PCDH12: variants seen among roughly 807,000 people sequenced by gnomAD.
PCDH12 encodes the protein protocadherin 12.
PCDH12 carries 45 observed loss-of-function variants against 70.9 expected under a neutral mutation model. The ratio of observed to expected loss-of-function variants is 0.63; its 90% CI spans 0.50 to 0.81. The LOEUF is 0.81. PCDH12 is among the 40% of genes least tolerant of loss of function. PCDH12 has a pLI of 0.00. For synonymous variants in PCDH12, 567 were observed against 626.0 expected, an observed-to-expected ratio of 0.91 and a Z score of 1.41; for missense variants, 1,370 against 1,491.7, an observed-to-expected ratio of 0.92 and a Z score of 1.34.
rs1753215723 is a variant in PCDH12, at chr5:141,957,938, T to C, written c.-87A>G. On this transcript the variant is annotated 5_prime_UTR_variant, in exon 1 of 4. Coordinates refer to ENST00000231484, the MANE Select transcript of PCDH12 (RefSeq NM_016580.4). The surrounding 1 kb of genome is among the most constrained non-coding windows in gnomAD (Gnocchi z 4.3). The stretch of plus-strand genomic sequence containing the variant: ...CTCCAGTGTTTCCTGGATGGCTTGA[T>C]CAGCCCCGTGCTCCTTCCCCCAGAG... The C allele has an allele frequency of 4.1e-6, 6 of 1,472,558 alleles. No individual in the cohort carries two copies. The highest frequency in any genetic ancestry group is 5.5e-6 in the Non-Finnish European group (6 of 1,096,622). The allele number at this position is 1,472,558 out of a possible 1,614,324, so 91.2% of individuals were successfully genotyped here.
Position 141,945,292 on chromosome 5 carries a change from G to C in PCDH12, c.*89C>G. ...CCCTAAAGTTCTCAGGCCGCCGCTA[G>C]CTAGTGAGTTACAAGATTTTAGAAA... On this transcript the variant is annotated 3_prime_UTR_variant, in exon 4 of 4. Coordinates refer to ENST00000231484, the MANE Select transcript of PCDH12 (RefSeq NM_016580.4). 32 of 1,467,970 alleles carry C rather than the reference G, an allele frequency of 2.2e-5. No individual in the cohort carries two copies. The highest frequency in any genetic ancestry group is 2.9e-5 in the Non-Finnish European group (32 of 1,092,468). The allele number at this position is 1,467,970 out of a possible 1,614,324, so 90.9% of individuals were successfully genotyped here. A position where few individuals can be genotyped will look rare whatever the true frequency, so the allele number is the denominator to read the frequency against.
chr5:141,947,627 G>A (rs1039712537), intron 3 of PCDH12, among the ~76,000 whole-genome samples: 3 of 152,254 alleles, frequency 2.0e-5, no homozygotes, highest in Non-Finnish European at 2.9e-5. Context: ...CTCTTAGGAA[G>A]TGGTGAGACA....
rs1391527887 is a variant in PCDH12, at chr5:141,956,868, A to G, written c.984T>C (p.Gly328=). The change falls in exon 1 of 4, where the codon GGT becomes GGC. Residue 328 remains glycine, a synonymous_variant. Coordinates refer to ENST00000231484, the MANE Select transcript of PCDH12 (RefSeq NM_016580.4). ...TGCAATGGGCTGGGATAGGATTGGG[A>G]CCCAGGTCCCTTGCCTGAACATCCA... ...YEVDVQARDL[G]PNPIPAHCKV... is the part of the protein sequence containing the mutation. 6.2e-7 allele frequency: 1 copy of G among 1,614,062 alleles called. No individual in the cohort carries two copies. Among genetic ancestry groups the G allele is most frequent in the Non-Finnish European group, 8.5e-7 (1 of 1,180,042 alleles).
intron 1 of PCDH12, among the ~76,000 whole-genome samples, chr5:141,951,932 T>C (rs561788371): frequency 1.5e-4 from 23 of 152,370 alleles, no homozygotes; most frequent in African/African-American, 5.0e-4. Flanking sequence ...TTGTTGTTAC[T>C]TTGATGAAGA....
Position 141,955,925 on chromosome 5 carries a change from C to T in PCDH12, c.1927G>A (p.Glu643Lys). The change falls in exon 1 of 4, where the codon GAA becomes AAA. Residue 643 changes from glutamate to lysine, a missense_variant. Coordinates refer to ENST00000231484, the MANE Select transcript of PCDH12 (RefSeq NM_016580.4). The surrounding 1 kb of genome is among the most constrained non-coding windows in gnomAD (Gnocchi z 5.5). ...EPLYSIRSGN[E>K]AHLFILNPHT... ...GGGTTGAGGATGAAGAGGTGGGCTT[C>T]ATTTCCACTGCGGATGCTGTAGAGG... 6.2e-7 allele frequency: 1 copy of T among 1,614,200 alleles called. No individual in the cohort carries two copies. The highest frequency in any genetic ancestry group is 8.5e-7 in the Non-Finnish European group (1 of 1,180,030).
intron 1 of PCDH12, 53 bp downstream of exon 1, chr5:141,954,919 G>T: frequency 6.4e-7 from 1 of 1,553,080 alleles, no homozygotes; most frequent in Non-Finnish European, 8.7e-7. Flanking sequence ...GTCTGATTCT[G>T]TTTCTGGTGG....
In PCDH12 at chr5:141,949,422, G is replaced by T; in HGVS notation, c.3130+10C>A. ...GAAGCAGGGTCAAGGTAACTCCAGG[G>T]GGTCCCTACCTGTGCTGGGGTCCAG... On this transcript the variant is annotated intron_variant, in intron 3 of 3. Transcript: ENST00000231484. 6.2e-7 allele frequency: 1 copy of T among 1,609,120 alleles called. No individual in the cohort carries two copies.
rs868246634 is a variant in PCDH12 at position 141,957,770 on chromosome 5, T to A, written c.82A>T (p.Thr28Ser). 2.5e-6 allele frequency: 4 copies of A among 1,610,640 alleles called. No individual in the cohort carries two copies. In the Middle Eastern group the frequency reaches 6.6e-4, roughly 266 times the overall value. The change falls in exon 1 of 4, where the codon ACC becomes TCC. Residue 28 changes from threonine to serine, a missense_variant. Transcript: ENST00000231484. The surrounding 1 kb of genome is among the most constrained non-coding windows in gnomAD (Gnocchi z 4.3). ...ACTTGGTATTTCACCGTGAGAGTGG[T>A]CACCTCCTGACAATCCCCTAAAAGA... Reference protein sequence around the residue: ...LFLLGDCQEVTTLTVKYQVSE... With the variant: ...LFLLGDCQEVSTLTVKYQVSE...
In PCDH12 at chr5:141,945,125, A is replaced by G. The variant is rs539659051; in HGVS notation, c.*256T>C. 3.5e-4 allele frequency: 185 copies of G among 524,842 alleles called. 1 individual carries two copies. Among genetic ancestry groups the G allele is most frequent in the African/African-American group, 3.1e-3 (164 of 52,230 alleles). The allele number at this position is 524,842 out of a possible 1,614,324, so 32.5% of individuals were successfully genotyped here. The stretch of plus-strand genomic sequence containing the variant: ...AGGACTGACCCTTTGTGCTCCACAT[A>G]TGTTTTGCCAGGAAACACTTATCTC... On this transcript the variant is annotated 3_prime_UTR_variant, in exon 4 of 4. Transcript: ENST00000231484.
In PCDH12 at chr5:141,955,733, G is replaced by C; in HGVS notation, c.2119C>G (p.Arg707Gly). The stretch of plus-strand genomic sequence containing the variant: ...GACATGCTCAAGGCCCCAGGCTTGC[G>C]GGCTGAGTCCCTCAGGTGGTCCACA... ...TSVDHLRDSA[R>G]KPGALSMSML... The change falls in exon 1 of 4, where the codon CGC becomes GGC. Residue 707 changes from arginine to glycine, a missense_variant. Physicochemically the swap from Arg to Gly is moderately radical, Grantham distance 125 (BLOSUM62 -2). Coordinates refer to ENST00000231484, the MANE Select transcript of PCDH12 (RefSeq NM_016580.4). The surrounding 1 kb of genome is among the most constrained non-coding windows in gnomAD (Gnocchi z 5.5). 2.5e-6 allele frequency: 4 copies of C among 1,614,088 alleles called. No homozygotes were observed. The highest frequency in any genetic ancestry group is 3.4e-6 in the Non-Finnish European group (4 of 1,179,984).
chr5:141,955,602 G>GTAGGC lies in PCDH12; in HGVS notation c.2245_2249dup (p.Tyr750Ter). ...AGGTGGACTCGGCCTCCCGACAGTT[G>GTAGGC]TAGGCCCTGTTGTCCTTCTTTTCTG... On this transcript the variant is annotated stop_gained and frameshift_variant, in exon 1 of 4. Coordinates refer to ENST00000231484, the MANE Select transcript of PCDH12 (RefSeq NM_016580.4). LOFTEE classifies it high-confidence loss of function. The surrounding 1 kb of genome is among the most constrained non-coding windows in gnomAD (Gnocchi z 5.5). The GTAGGC allele has an allele frequency of 6.2e-7, 1 of 1,614,182 alleles. No individual in the cohort carries two copies. The highest frequency in any genetic ancestry group is 8.5e-7 in the Non-Finnish European group (1 of 1,180,038).
intron 2 of PCDH12, 139 bp from the exon 3 acceptor site, chr5:141,949,722 G>T: frequency 1.1e-6 from 1 of 884,802 alleles, no homozygotes; most frequent in Non-Finnish European, 1.7e-6. Context: ...GACCAACCTG[G>T]ATCATGTGAT....
In PCDH12 at chr5:141,957,398, T is replaced by C. The variant is rs547258625; in HGVS notation, c.454A>G (p.Thr152Ala). ...LEISESASLR[T>A]RIPLDRALDP... ...AGAGCTCTGTCCAGGGGGATCCGGGTTCGCAGAGAGGCGCTCTCAGAGATT... is the reference window on the plus strand; with the variant it reads ...AGAGCTCTGTCCAGGGGGATCCGGGCTCGCAGAGAGGCGCTCTCAGAGATT... The change falls in exon 1 of 4, where the codon ACC becomes GCC. Residue 152 changes from threonine (T) to alanine (A), a missense_variant. Coordinates refer to ENST00000231484, the MANE Select transcript of PCDH12 (RefSeq NM_016580.4). This position sits in a 1 kb window ranked among gnomAD's most constrained non-coding sequence, Gnocchi z 4.3. 6.2e-7 allele frequency: 1 copy of C among 1,613,556 alleles called. No individual in the cohort carries two copies. Among genetic ancestry groups the C allele is most frequent in the Non-Finnish European group, 8.5e-7 (1 of 1,179,786 alleles).
At position 141,956,993 on chromosome 5, in the gene PCDH12, T is replaced by G; in HGVS notation, c.859A>C (p.Met287Leu). 2 of 1,614,204 alleles carry G rather than the reference T, an allele frequency of 1.2e-6. No homozygotes were observed. The highest frequency in any genetic ancestry group is 1.7e-6 in the Non-Finnish European group (2 of 1,180,030). ...GEVEFFLSKH[M>L]PPEVLDTFSI... ...AAGGTGTCCAGCACCTCTGGAGGCA[T>G]GTGCTTACTGAGGAAGAACTCCACC... The change falls in exon 1 of 4, where the codon ATG (methionine) becomes CTG (leucine). Residue 287 changes from methionine to leucine, a missense_variant. By Grantham distance (15) the Met-to-Leu change is conservative (BLOSUM62 2). Coordinates refer to ENST00000231484, the MANE Select transcript of PCDH12 (RefSeq NM_016580.4).
Position 141,956,029 on chromosome 5 carries a change from A to T in PCDH12, c.1823T>A (p.Leu608Gln). The T allele has an allele frequency of 6.2e-7, 1 of 1,614,042 alleles. No individual in the cohort carries two copies. ...GAATGGCCGGGAGCTGTGAGTGGCC[A>T]GTGGAGGTGTGTCAGTGCCCGCTGG... The part of the protein sequence containing the change: ...LGPAGTDTPP[L>Q]ATHSSRPFLL... Residue 608 changes from leucine (L) to glutamine (Q), a missense_variant, in exon 1 of 4, where the codon CTG becomes CAG. By Grantham distance (113) the Leu-to-Gln change is moderately radical. Coordinates refer to ENST00000231484, the MANE Select transcript of PCDH12 (RefSeq NM_016580.4).
chr5:141,955,373 G>T lies in PCDH12; in HGVS notation c.2479C>A (p.Arg827Ser). The change falls in exon 1 of 4, where the codon CGT becomes AGT. Residue 827 changes from arginine (R) to serine (S), a missense_variant. Coordinates refer to ENST00000231484, the MANE Select transcript of PCDH12 (RefSeq NM_016580.4). The surrounding 1 kb of genome is among the most constrained non-coding windows in gnomAD (Gnocchi z 5.5). ...HLTPTLYRTL[R>S]NQGNQGAPAE... ...GGTGCTCCCTGGTTGCCTTGATTAC[G>T]CAGCGTCCTGTACAGGGTCGGGGTG... The T allele has an allele frequency of 6.2e-7, 1 of 1,613,996 alleles. No homozygotes were observed. The highest frequency in any genetic ancestry group is 8.5e-7 in the Non-Finnish European group (1 of 1,180,030).
rs1753216410 is a variant in PCDH12, at chr5:141,957,975, A to G, written c.-124T>C. Reference sequence around the variant, plus strand: ...TCCTTCCCCCAGAGCTGCCGGCACAACCTTGTCCCATAGTTAGATGATTAT... The same window carrying G: ...TCCTTCCCCCAGAGCTGCCGGCACAGCCTTGTCCCATAGTTAGATGATTAT... On this transcript the variant is annotated 5_prime_UTR_variant, in exon 1 of 4. Coordinates refer to ENST00000231484, the MANE Select transcript of PCDH12 (RefSeq NM_016580.4). This position sits in a 1 kb window ranked among gnomAD's most constrained non-coding sequence, Gnocchi z 4.3. The G allele has an allele frequency of 1.2e-5, 13 of 1,095,124 alleles. No homozygotes were observed. The highest frequency in any genetic ancestry group is 1.7e-5 in the Non-Finnish European group (13 of 774,714). 67.8% of individuals were successfully genotyped at this position (1,095,124 alleles called of 1,614,324 possible).
In PCDH12 at chr5:141,944,184, C is replaced by G. The variant is rs1386736914; in HGVS notation, c.*1197G>C. The G allele has an allele frequency of 2.6e-5, 4 of 152,264 alleles. No individual in the cohort carries two copies. Among genetic ancestry groups the G allele is most frequent in the Non-Finnish European group, 5.9e-5 (4 of 68,072 alleles). 9.4% of individuals were successfully genotyped at this position (152,264 alleles called of 1,614,324 possible). On this transcript the variant is annotated 3_prime_UTR_variant, in exon 4 of 4. Coordinates refer to ENST00000231484, the MANE Select transcript of PCDH12 (RefSeq NM_016580.4). Reference sequence around the variant, plus strand: ...GGCTGGCTGCTGTCAGTGCCGATTTCATAGACCCAGTTCACACAGCGTCCT... The same window carrying G: ...GGCTGGCTGCTGTCAGTGCCGATTTGATAGACCCAGTTCACACAGCGTCCT...
Position 141,943,771 on chromosome 5 carries a change from G to GA in PCDH12, c.*1609dup, listed in dbSNP as rs1311210344. 3 of 152,146 alleles carry GA rather than the reference G, an allele frequency of 2.0e-5. No homozygotes were observed. The highest frequency in any genetic ancestry group is 7.2e-5 in the African/African-American group (3 of 41,422). The allele number at this position is 152,146 out of a possible 1,614,324, so 9.4% of individuals were successfully genotyped here. On this transcript the variant is annotated 3_prime_UTR_variant, in exon 4 of 4. Coordinates refer to ENST00000231484, the MANE Select transcript of PCDH12 (RefSeq NM_016580.4). ...ACCCAACAGTTCTGTGATCCAGCCT[G>GA]AAAATCACAGATTCTGTAAGGAGAT...
Sources: gnomAD v4.1 joint callset for allele counts (sites outside exome capture counted in the v4.1 genomes callset) on GRCh38, gnomAD v4.1.1 for gene constraint, Gnocchi (gnomAD v3.1) non-coding constraint, MANE v1.5 for transcripts, NCBI Gene and HGNC (gene_info 2026-07-23, HGNC 2026-07-21) for gene names.